IPP: variants seen among roughly 807,000 people sequenced by gnomAD.
IPP encodes actin-binding protein IPP.
Under a neutral mutation model 64.1 loss-of-function variants are expected in IPP, and 41 were observed. The ratio of observed to expected loss-of-function variants is 0.64; its 90% confidence interval spans 0.50 to 0.83. The LOEUF (loss-of-function observed/expected upper bound fraction) is 0.83, where lower values mean the gene tolerates loss of function less well. Ranked by LOEUF, IPP falls within the 40% of genes least tolerant of loss-of-function variation. IPP has a pLI of 0.00. For synonymous variants in IPP, 214 were observed against 235.2 expected (o/e 0.91, Z 0.83); for missense variants, 649 against 703.0 (o/e 0.92, Z 0.87).
intron 8 of IPP, among the ~76,000 whole-genome samples, chr1:45,712,938 T>A (rs1483818295): frequency 6.6e-6 from 1 of 150,648 alleles, no homozygotes; most frequent in Non-Finnish European, 1.5e-5. Flanking sequence ...TTTACAGGCA[T>A]GTGCCACCAC....
At chr1:45,695,861 G>T (rs1302437828), downstream of IPP, among the ~76,000 whole-genome samples, 1 of 152,132 alleles carries the variant, frequency 6.6e-6, no homozygotes, top group Non-Finnish European at 1.5e-5. Flanking sequence ...TAGAGACAGG[G>T]TTTCTCCATG....
chr1:45,743,199 A>C (rs1043539557), intron 2 of IPP, among the ~76,000 whole-genome samples: 1 of 151,388 alleles, frequency 6.6e-6, no homozygotes. Context: ...CAGCCTCCCA[A>C]AGTGCTGGGA....
chr1:45,749,895 G>A (rs1646197154), intron 1 of IPP, among the ~76,000 whole-genome samples: 1 of 152,120 alleles, frequency 6.6e-6, no homozygotes, highest in Non-Finnish European at 1.5e-5. Flanking sequence ...AAAAAAAATT[G>A]TTTTAACATT....
chr1:45,723,861 C>A lies in IPP; in HGVS notation c.1048+3770G>T, dbSNP rs185969893. 6.2e-3 allele frequency among the ~76,000 whole-genome samples: 943 copies of A among 151,888 alleles called. 7 individuals carry two copies. The highest frequency in any genetic ancestry group is 0.022 in the African/African-American group (910 of 41,492). ...AATAAAAATAAAAATAAATTAATTA[C>A]AATTTTTTTTTATATACAGTTTGGG... On this transcript the variant is annotated intron_variant, in intron 5 of 8. Coordinates refer to ENST00000396478, the MANE Select transcript of IPP (RefSeq NM_005897.3).
Position 45,732,057 on chromosome 1 carries a change from T to C in IPP, c.725-2288A>G, listed in dbSNP as rs538447260. Reference sequence around the variant, plus strand: ...CTCGTAAGTGCTTCACATGATACAATTGTTTAAGAATGTCGCTCCTGGCCA... The same window carrying C: ...CTCGTAAGTGCTTCACATGATACAACTGTTTAAGAATGTCGCTCCTGGCCA... On this transcript the variant is annotated intron_variant, in intron 3 of 8. Transcript: ENST00000396478. Among the ~76,000 whole-genome samples the C allele has an allele frequency of 6.1e-4, 92 of 151,708 alleles. 3 individuals carry two copies. In the South Asian group the frequency reaches 0.018, roughly 29 times the overall value.
At chr1:45,720,029 G>GA (rs751486117) in intron 5 of IPP, among the ~76,000 whole-genome samples, 1 of 151,576 alleles carries the variant, frequency 6.6e-6, no homozygotes, top group Non-Finnish European at 1.5e-5. Context: ...GCCTGAAAAT[G>GA]AAAAAATTTT....
intron 3 of IPP, 112 bp downstream of exon 3, chr1:45,740,786 AATC>A: frequency 3.3e-6 from 2 of 598,492 alleles, no homozygotes; most frequent in Non-Finnish European, 5.7e-6. Flanking sequence ...AAAAAAGAGT[AATC>A]ATTCAATAAA....
chr1:45,712,376 C>A (rs546966448), intron 8 of IPP, among the ~76,000 whole-genome samples: 1 of 150,228 alleles, frequency 6.7e-6, no homozygotes, highest in African/African-American at 2.4e-5. Flanking sequence ...AATACAAATT[C>A]TTTTCAGATG....
At chr1:45,728,383 T>G (rs554784056) in intron 4 of IPP, among the ~76,000 whole-genome samples, 112 of 151,974 alleles carry the variant, frequency 7.4e-4, no homozygotes, top group Middle Eastern at 6.9e-3. Flanking sequence ...AATTATAAAT[T>G]ATCTCATACA....
rs1483412953 is a variant in IPP, at chr1:45,716,031, C to G, written c.1309+864G>C. 2.0e-5 allele frequency among the ~76,000 whole-genome samples: 3 copies of G among 152,126 alleles called. No homozygotes were observed. In the East Asian group the frequency reaches 5.8e-4, roughly 29 times the overall value. On this transcript the variant is annotated intron_variant, in intron 7 of 8. Transcript: ENST00000396478. ...CTCCACAGGTGCATAAAAATCAGCT[C>G]TCCAATCCTACACAGAGAATTAGGT...
chr1:45,731,514 T>G (rs968664445), intron 3 of IPP, among the ~76,000 whole-genome samples: 3 of 152,126 alleles, frequency 2.0e-5, no homozygotes, highest in African/African-American at 7.2e-5. Flanking sequence ...AACAAAGTAG[T>G]TGTACTAGGT....
rs1310422652 is a variant in IPP, at chr1:45,699,708, A to G, written c.*258T>C. On this transcript the variant is annotated 3_prime_UTR_variant, in exon 9 of 9. Coordinates refer to ENST00000396478, the MANE Select transcript of IPP (RefSeq NM_005897.3). ...GACAGGATCTCATTCTGTTGCCCAG[A>G]GTGGAGTGCAGTGGCATGATCGTAG... 1.8e-6 allele frequency: 2 copies of G among 1,107,036 alleles called. No homozygotes were observed. The highest frequency in any genetic ancestry group is 2.3e-6 in the Non-Finnish European group (2 of 864,690). 68.6% of individuals were successfully genotyped at this position (1,107,036 alleles called of 1,614,324 possible). A position where few individuals can be genotyped will look rare whatever the true frequency, so the allele number is the denominator to read the frequency against.
At chr1:45,739,847 A>C (rs1172033837) in intron 3 of IPP, among the ~76,000 whole-genome samples, 2 of 132,892 alleles carry the variant, frequency 1.5e-5, no homozygotes, top group Non-Finnish European at 3.2e-5. Context: ...TTTTTAATTG[A>C]TCATTCTTGG....
intron 5 of IPP, among the ~76,000 whole-genome samples, chr1:45,724,226 C>T (rs1479254513): frequency 6.6e-6 from 1 of 152,180 alleles, no homozygotes; most frequent in East Asian, 1.9e-4. Context: ...GCGAGTGATC[C>T]GCCAGCCTTC....
At chr1:45,737,702 T>G (rs1645999303) in intron 3 of IPP, among the ~76,000 whole-genome samples, 1 of 152,086 alleles carries the variant, frequency 6.6e-6, no homozygotes, top group African/African-American at 2.4e-5. Flanking sequence ...TCAAGTGATC[T>G]GCCCACCTCA....
intron 8 of IPP, among the ~76,000 whole-genome samples, chr1:45,706,830 TAAAAG>T (rs942088809): frequency 3.9e-5 from 6 of 152,156 alleles, no homozygotes; most frequent in Non-Finnish European, 7.3e-5. Context: ...ATTCAACACT[TAAAAG>T]AAGAAAACAA....
At chr1:45,732,338 G>A (rs28498557) in intron 3 of IPP, among the ~76,000 whole-genome samples, 38,269 of 126,906 alleles carry the variant, frequency 0.3, 5,539 homozygotes, top group Middle Eastern at 0.41. Flanking sequence ...CTCCAGCTTG[G>A]GCAAAAGAGC....
chr1:45,716,841 C>CA (rs1645665503), intron 7 of IPP, 54 bp downstream of exon 7: 5 of 1,528,536 alleles, frequency 3.3e-6, no homozygotes, highest in Non-Finnish European at 3.6e-6. Context: ...GCCTCAAACT[C>CA]AAACAGTTTT....
In IPP at chr1:45,713,485, A is replaced by G. The variant is rs1010389792; in HGVS notation, c.1530+761T>C. Among the ~76,000 whole-genome samples the G allele has an allele frequency of 2.6e-5, 4 of 152,012 alleles. No homozygotes were observed. In the East Asian group the frequency reaches 7.7e-4, roughly 29 times the overall value. ...TGAGGCAGGAGAATTGCTTGAACCC[A>G]GGAGGCGGAGGTTGTGGTGAGGTGA... On this transcript the variant is annotated intron_variant, in intron 8 of 8. Transcript: ENST00000396478.
Sources: allele counts gnomAD v4.1 joint callset (sites outside exome capture counted in the v4.1 genomes callset), GRCh38; gene constraint gnomAD v4.1.1; transcripts MANE v1.5; gene names NCBI Gene and HGNC (gene_info 2026-07-23, HGNC 2026-07-21).